AGBL1: variants seen among roughly 807,000 people sequenced by gnomAD.
AGBL1 encodes cytosolic carboxypeptidase 4.
AGBL1 carries 130 observed loss-of-function variants against 118.9 expected under a neutral mutation model. The observed-to-expected ratio is 1.09, with a 90% CI of 0.95 to 1.26. The LOEUF is 1.26. AGBL1 is among the 50% of genes most tolerant of loss of function. The pLI, the probability that AGBL1 is intolerant of heterozygous loss-of-function variation, is 0.00. For synonymous variants in AGBL1, 555 were observed against 478.9 expected (o/e 1.16, Z -2.08); for missense variants, 1,584 against 1,298.1 (o/e 1.22, Z -3.38).
chr15:86,408,837 T>G (rs1414810164), intron 18 of AGBL1, among the ~76,000 whole-genome samples: 11 of 152,238 alleles, frequency 7.2e-5, no homozygotes, highest in Admixed American at 5.2e-4. Flanking sequence ...TTATTCTGAT[T>G]CAGAAGGGGT....
downstream of AGBL1, among the ~76,000 whole-genome samples, chr15:87,031,297 G>A (rs1051472914): frequency 2.6e-5 from 4 of 151,668 alleles, no homozygotes; most frequent in Non-Finnish European, 5.9e-5. Flanking sequence ...ATTAGTCAAC[G>A]GCAAAATTGG....
chr15:86,812,712 C>G (rs938614760), intron 22 of AGBL1, among the ~76,000 whole-genome samples: 2 of 152,236 alleles, frequency 1.3e-5, no homozygotes, highest in South Asian at 4.1e-4. Context: ...CACAGCCATG[C>G]CTCCATGCAC....
chr15:86,424,052 A>T (rs549948363), intron 18 of AGBL1, among the ~76,000 whole-genome samples: 1 of 152,228 alleles, frequency 6.6e-6, no homozygotes, highest in Admixed American at 6.5e-5. Context: ...ATATGGAACA[A>T]AAAACAAGCC....
chr15:86,747,271 G>A (rs2077771448), intron 22 of AGBL1, among the ~76,000 whole-genome samples: 1 of 152,044 alleles, frequency 6.6e-6, no homozygotes, highest in Admixed American at 6.6e-5. Context: ...ATATTTGAAA[G>A]AAAACAGTAA....
At chr15:86,419,678 C>T (rs2081759161) in intron 18 of AGBL1, among the ~76,000 whole-genome samples, 1 of 152,118 alleles carries the variant, frequency 6.6e-6, no homozygotes, top group African/African-American at 2.4e-5. Flanking sequence ...CAGTGGATCC[C>T]ACTCCCATGG....
chr15:86,810,533 C>T (rs181009265), intron 22 of AGBL1, among the ~76,000 whole-genome samples: 32 of 152,204 alleles, frequency 2.1e-4, no homozygotes, highest in Admixed American at 1.4e-3. Context: ...CAGGATAATA[C>T]ACTAGGAAAT....
chr15:86,624,951 C>T (rs1452847862), intron 21 of AGBL1, among the ~76,000 whole-genome samples: 2 of 152,156 alleles, frequency 1.3e-5, no homozygotes, highest in African/African-American at 4.8e-5. Flanking sequence ...GAGCTGCTTA[C>T]CAGGCTCTGT....
intron 21 of AGBL1, among the ~76,000 whole-genome samples, chr15:86,594,074 A>G (rs1233863143): frequency 6.6e-6 from 1 of 152,004 alleles, no homozygotes; most frequent in African/African-American, 2.4e-5. Flanking sequence ...GGTGCACTCC[A>G]TCACACATGT....
chr15:86,360,319 CTT>C (rs570573457), intron 17 of AGBL1, among the ~76,000 whole-genome samples: 7 of 135,988 alleles, frequency 5.1e-5, no homozygotes, highest in South Asian at 2.3e-4. Context: ...GGGTTTTTTC[CTT>C]TTTTTTTTTT....
chr15:86,805,150 A>G (rs1437649771), intron 22 of AGBL1, among the ~76,000 whole-genome samples: 1 of 152,042 alleles, frequency 6.6e-6, no homozygotes, highest in Non-Finnish European at 1.5e-5. Flanking sequence ...GACAAATTAT[A>G]TCAATCCATT....
At chr15:87,002,560 A>G (rs1019572813) in intron 24 of AGBL1, among the ~76,000 whole-genome samples, 1 of 152,080 alleles carries the variant, frequency 6.6e-6, no homozygotes, top group Non-Finnish European at 1.5e-5. Context: ...TCTATAAATT[A>G]CCTTGGGCAG....
chr15:86,867,825 A>G (rs1366150088), intron 22 of AGBL1, among the ~76,000 whole-genome samples: 1 of 152,198 alleles, frequency 6.6e-6, no homozygotes, highest in Non-Finnish European at 1.5e-5. Context: ...GACTTTAAAG[A>G]TCTGAGGTAC....
intron 17 of AGBL1, among the ~76,000 whole-genome samples, chr15:86,351,311 AG>A (rs1567212568): frequency 3.9e-5 from 6 of 152,176 alleles, no homozygotes. Flanking sequence ...TCCATTAATG[AG>A]GGCAAAGTCC....
At chr15:87,004,379 G>C (rs1006641538) in intron 24 of AGBL1, among the ~76,000 whole-genome samples, 1 of 152,068 alleles carries the variant, frequency 6.6e-6, no homozygotes, top group South Asian at 2.1e-4. Flanking sequence ...CTCCTGTAGT[G>C]GGTGCATATA....
intron 21 of AGBL1, among the ~76,000 whole-genome samples, chr15:86,566,292 A>T (rs1209265349): frequency 2.0e-5 from 3 of 152,176 alleles, no homozygotes; most frequent in Non-Finnish European, 4.4e-5. Context: ...TTGAGTATGC[A>T]CATTTTTCTA....
intron 13 of AGBL1, among the ~76,000 whole-genome samples, chr15:86,268,673 C>T (rs916172788): frequency 6.6e-6 from 1 of 152,124 alleles, no homozygotes; most frequent in Non-Finnish European, 1.5e-5. Flanking sequence ...GGGTCATAGA[C>T]TTTCCAGAAT....
intron 18 of AGBL1, among the ~76,000 whole-genome samples, chr15:86,403,670 A>T (rs2081480906): frequency 6.6e-6 from 1 of 152,150 alleles, no homozygotes; most frequent in Admixed American, 6.5e-5. Flanking sequence ...AGCCCAACAA[A>T]TGTAGGTGTT....
intron 18 of AGBL1, among the ~76,000 whole-genome samples, chr15:86,515,271 T>C (rs1329936753): frequency 6.6e-5 from 10 of 152,206 alleles, no homozygotes; most frequent in African/African-American, 7.2e-5. Flanking sequence ...CATTACCTTG[T>C]GCCTGCTCTT....
At chr15:86,645,261 A>G (rs1439091160) in intron 21 of AGBL1, among the ~76,000 whole-genome samples, 1 of 152,218 alleles carries the variant, frequency 6.6e-6, no homozygotes, top group Non-Finnish European at 1.5e-5. Flanking sequence ...GTTTGGTAAA[A>G]GTAATATACA....
Sources: allele counts gnomAD v4.1 joint callset (sites outside exome capture counted in the v4.1 genomes callset), GRCh38; gene constraint gnomAD v4.1.1; transcripts MANE v1.5; gene names NCBI Gene and HGNC (gene_info 2026-07-23, HGNC 2026-07-21).